Variants in AKR1C2 observed in about 807,000 individuals in gnomAD.
AKR1C2 encodes 3-alpha-HSD3.
A neutral mutation model predicts 39.8 loss-of-function variants in AKR1C2; 27 were observed. The observed-to-expected ratio is 0.68, with a 90% CI of 0.50 to 0.93. The LOEUF is 0.93. Ranked by LOEUF, AKR1C2 falls within the 40% of genes least tolerant of loss-of-function variation. The probability of loss-of-function intolerance (pLI) is 0.00; values close to 1 mark genes in which losing one functional copy is unlikely to be tolerated. For missense variants in AKR1C2, 263 were observed against 365.1 expected (o/e 0.72, Z 2.28); for synonymous variants, 114 against 137.9 (o/e 0.83, Z 1.22).
upstream of AKR1C2, among the ~76,000 whole-genome samples, chr10:5,006,877 A>T (rs1365295913): frequency 6.6e-6 from 1 of 151,566 alleles, no homozygotes; most frequent in Admixed American, 6.6e-5. Flanking sequence ...CGGTTCAAGC[A>T]ATTCTCCTGC....
At chr10:5,010,793 G>A (rs1276957171) in intron 1 of AKR1C2, 12 of 152,164 alleles carry the variant, frequency 7.9e-5, no homozygotes, top group Admixed American at 7.9e-4. Flanking sequence ...AGTTAGACGT[G>A]CAACCTTGCT....
rs1836768086 is a variant in AKR1C2, at chr10:4,989,641, C to T, written c.*355G>A. ...CCCAGAGGGTGAAACTCCACCCACT[C>T]CCACTGCAGAAATGAATCTTAAATG... On this transcript the variant is annotated 3_prime_UTR_variant, in exon 9 of 9. Coordinates refer to ENST00000380753, the MANE Select transcript of AKR1C2 (RefSeq NM_001393392.1). The T allele has an allele frequency of 3.8e-6, 1 of 262,616 alleles. No individual in the cohort carries two copies. Among genetic ancestry groups the T allele is most frequent in the Non-Finnish European group, 7.2e-6 (1 of 139,578 alleles). The allele number at this position is 262,616 out of a possible 1,614,324, so 16.3% of individuals were successfully genotyped here.
In AKR1C2 at chr10:4,988,169, A is replaced by C. The variant is rs1836723264; in HGVS notation, c.*1827T>G. ...AGATTTGAAATATGAAAGTCTGCTT[A>C]AGCGTTACACACTTGGCTACGAAGT... On this transcript the variant is annotated 3_prime_UTR_variant, in exon 9 of 9. Coordinates refer to ENST00000380753, the MANE Select transcript of AKR1C2 (RefSeq NM_001393392.1). 1 of 152,252 alleles carries C rather than the reference A, an allele frequency of 6.6e-6. No homozygotes were observed. Among genetic ancestry groups the C allele is most frequent in the South Asian group, 2.1e-4 (1 of 4,834 alleles). 9.4% of individuals were successfully genotyped at this position (152,252 alleles called of 1,614,324 possible).
upstream of AKR1C2, among the ~76,000 whole-genome samples, chr10:5,008,821 A>G (rs1554774649): frequency 6.6e-6 from 1 of 152,264 alleles, no homozygotes; most frequent in East Asian, 1.9e-4. Context: ...TTTCTCAACA[A>G]ATACATATTG....
chr10:4,998,031 T>C (rs1441939589), intron 5 of AKR1C2, among the ~76,000 whole-genome samples: 1 of 152,242 alleles, frequency 6.6e-6, no homozygotes, highest in Non-Finnish European at 1.5e-5. Context: ...TCAGTGTGGA[T>C]TTCATCCACT....
intron 7 of AKR1C2, among the ~76,000 whole-genome samples, chr10:4,992,960 T>A (rs1289824101): frequency 3.9e-5 from 6 of 151,900 alleles, no homozygotes; most frequent in East Asian, 3.9e-4. Flanking sequence ...AAAAAAAAAA[T>A]GATCAGTAAT....
intron 4 of AKR1C2, 134 bp from the exon 5 acceptor site, chr10:4,998,881 G>T: frequency 1.4e-6 from 2 of 1,433,170 alleles, no homozygotes; most frequent in African/African-American, 1.4e-5. Flanking sequence ...TTAAAAGGGA[G>T]AAAATAAAAC....
chr10:5,004,797 C>G (rs1837364927), upstream of AKR1C2: 1 of 137,630 alleles, frequency 7.3e-6, no homozygotes, highest in Non-Finnish European at 1.6e-5. Context: ...TGATTCACAT[C>G]TTGGAGTAGT....
intron 1 of AKR1C2, among the ~76,000 whole-genome samples, chr10:5,010,133 C>A (rs1282585633): frequency 2.1e-5 from 3 of 145,626 alleles, no homozygotes; most frequent in African/African-American, 7.7e-5. Context: ...AAGCCGTCTG[C>A]AGATGGCAAA....
intron 1 of AKR1C2, among the ~76,000 whole-genome samples, chr10:5,016,129 A>T (rs1286103206): frequency 6.6e-6 from 1 of 152,174 alleles, no homozygotes; most frequent in Non-Finnish European, 1.5e-5. Context: ...ACACAGAGCC[A>T]AACCATATCA....
At chr10:5,012,502 C>A (rs10795220) in intron 1 of AKR1C2, among the ~76,000 whole-genome samples, 4 of 147,524 alleles carry the variant, frequency 2.7e-5, no homozygotes, top group South Asian at 2.2e-4. Context: ...AAGGAAAGAC[C>A]CATAGGGAAG....
chr10:5,007,478 T>C (rs1837429057), upstream of AKR1C2: 1 of 151,920 alleles, frequency 6.6e-6, no homozygotes, highest in East Asian at 1.9e-4. Flanking sequence ...GGTATAACTA[T>C]AGGATGCAGT....
chr10:5,014,769 T>C (rs1837603049), intron 1 of AKR1C2: 1 of 152,238 alleles, frequency 6.6e-6, no homozygotes, highest in Non-Finnish European at 1.5e-5. Context: ...GGGTTGCCAA[T>C]ACCTCCAATA....
At chr10:5,015,743 C>A (rs543418904) in intron 1 of AKR1C2, 1 of 152,290 alleles carries the variant, frequency 6.6e-6, no homozygotes, top group Admixed American at 6.5e-5. Context: ...TGACTGTATT[C>A]TTGTGTATTA....
rs1837185911 is a variant in AKR1C2 at position 4,999,542 on chromosome 10, T to A, written c.370-265A>T. On this transcript the variant is annotated intron_variant, in intron 3 of 8. Transcript: ENST00000380753. ...ATGGAGTGTCATCATTGACTTTCAT[T>A]GACTTTCTTCTGCTCCTATAATTTT... 8 of 444,382 alleles carry A rather than the reference T, an allele frequency of 1.8e-5. No homozygotes were observed. In the Admixed American group the frequency reaches 3.3e-4, roughly 18 times the overall value. 27.5% of individuals were successfully genotyped at this position (444,382 alleles called of 1,614,324 possible).
chr10:5,011,296 A>AAGGCTGGG (rs1837517642), intron 1 of AKR1C2, among the ~76,000 whole-genome samples: 1 of 152,192 alleles, frequency 6.6e-6, no homozygotes, highest in Non-Finnish European at 1.5e-5. Flanking sequence ...GGAGACTCAG[A>AAGGCTGGG]AGGCTGGGAG....
At chr10:5,000,763 A>G in intron 2 of AKR1C2, 97 bp from the exon 3 acceptor site, 1 of 1,120,572 alleles carries the variant, frequency 8.9e-7, no homozygotes, top group Non-Finnish European at 1.3e-6. Context: ...ACTACTTCAA[A>G]ACTAATGACC....
intron 5 of AKR1C2, among the ~76,000 whole-genome samples, chr10:4,998,042 G>A (rs1276723932): frequency 4.6e-5 from 7 of 152,232 alleles, no homozygotes; most frequent in African/African-American, 1.7e-4. Context: ...TTCATCCACT[G>A]TGAACAGATA....
chr10:5,003,133 AC>A (rs1440114305), intron 1 of AKR1C2, among the ~76,000 whole-genome samples: 1 of 152,062 alleles, frequency 6.6e-6, no homozygotes, highest in Non-Finnish European at 1.5e-5. Flanking sequence ...TTTTTCTGTT[AC>A]AATATTTTGA....
Sources: gnomAD v4.1 joint callset for allele counts (sites outside exome capture counted in the v4.1 genomes callset) on GRCh38, gnomAD v4.1.1 for gene constraint, MANE v1.5 for transcripts, NCBI Gene and HGNC (gene_info 2026-07-23, HGNC 2026-07-21) for gene names.